NRXN1: variants seen among roughly 807,000 people sequenced by gnomAD.
The protein encoded by NRXN1 is neurexin 1.
Under a neutral mutation model 150.9 loss-of-function variants are expected in NRXN1, and 39 were observed. That is an observed-to-expected ratio of 0.26 (90% CI 0.20 to 0.34). NRXN1 has a LOEUF of 0.34. NRXN1 is among the 10% of genes least tolerant of loss of function. The pLI is 1.00. For missense variants in NRXN1, 1,815 were observed against 1,949.9 expected, an observed-to-expected ratio of 0.93 and a Z score of 1.30; for synonymous variants, 924 against 757.0, an observed-to-expected ratio of 1.22 and a Z score of -3.62.
chr2:50,754,864 T>G (rs965257758), intron 5 of NRXN1, among the ~76,000 whole-genome samples: 1 of 151,924 alleles, frequency 6.6e-6, no homozygotes, highest in African/African-American at 2.4e-5. Flanking sequence ...AACTAGAATT[T>G]ATTTTCTACT....
intron 12 of NRXN1, among the ~76,000 whole-genome samples, chr2:50,516,347 A>C (rs1051471117): frequency 3.3e-5 from 5 of 152,186 alleles, no homozygotes; most frequent in African/African-American, 1.2e-4. Context: ...ATGCTGTTGA[A>C]GCCAGTTCTT....
intron 18 of NRXN1, among the ~76,000 whole-genome samples, chr2:50,230,065 C>T (rs2064794257): frequency 6.6e-6 from 1 of 152,022 alleles, no homozygotes; most frequent in African/African-American, 2.4e-5. Flanking sequence ...ATGATTTTCT[C>T]CAGCTAGGTA....
At chr2:49,998,492 C>A (rs1291293420) in intron 21 of NRXN1, among the ~76,000 whole-genome samples, 1 of 151,848 alleles carries the variant, frequency 6.6e-6, no homozygotes, top group Admixed American at 6.6e-5. Context: ...TTTTTCAAAA[C>A]TTTTTTTGGA....
At position 50,357,310 on chromosome 2, in the gene NRXN1, T is replaced by TTATTTATTTA. The variant is rs1558590772; in HGVS notation, c.3364+108131_3364+108132insTAAATAAATA. Among the ~76,000 whole-genome samples, 189 of 101,290 alleles carry TTATTTATTTA rather than the reference T, an allele frequency of 1.9e-3. 1 individual carries two copies. The highest frequency in any genetic ancestry group is 6.0e-3 in the African/African-American group (171 of 28,506). 66.5% of individuals were successfully genotyped at this position (101,290 alleles called of 152,430 possible). ...CATTTATTTATTTATTTATTTTTTT[T>TTATTTATTTA]TTTATTTATTATTTTGAGACAAAGT... is the stretch of plus-strand genomic sequence containing the variant. On this transcript the variant is annotated intron_variant, in intron 17 of 22. Transcript: ENST00000401669.
At chr2:50,320,174 T>A (rs984702328) in intron 17 of NRXN1, among the ~76,000 whole-genome samples, 2 of 151,316 alleles carry the variant, frequency 1.3e-5, no homozygotes, top group Non-Finnish European at 2.9e-5. Context: ...TGCCTAACAA[T>A]TCTAATGAGA....
At chr2:49,925,281 C>CA (rs772838099) in intron 22 of NRXN1, among the ~76,000 whole-genome samples, 17,763 of 80,802 alleles carry the variant, frequency 0.22, 1,339 homozygotes, top group African/African-American at 0.27. Context: ...CTGCCTCAAC[C>CA]AAAAAAAAAA....
intron 15 of NRXN1, 26 bp downstream of exon 15, chr2:50,495,879 G>C: frequency 6.5e-7 from 1 of 1,550,070 alleles, no homozygotes; most frequent in Non-Finnish European, 8.7e-7. Flanking sequence ...TGCAAGGCTC[G>C]TTGCTCTGAC....
chr2:50,664,221 A>G (rs1352427264), intron 5 of NRXN1, among the ~76,000 whole-genome samples: 1 of 151,992 alleles, frequency 6.6e-6, no homozygotes, highest in Non-Finnish European at 1.5e-5. Flanking sequence ...AGAATGCGTA[A>G]CTTTCCTTCT....
At chr2:50,594,048 A>T (rs79546386) in intron 8 of NRXN1, among the ~76,000 whole-genome samples, 6 of 152,320 alleles carry the variant, frequency 3.9e-5, no homozygotes, top group African/African-American at 1.4e-4. Context: ...CTGCCATGCA[A>T]ATGAAGAAAG....
intron 17 of NRXN1, among the ~76,000 whole-genome samples, chr2:50,298,529 T>A (rs1036929192): frequency 6.0e-3 from 52 of 8,602 alleles, no homozygotes; most frequent in African/African-American, 0.028. Context: ...ATTTACAGAT[T>A]TTTTTTTTTT....
At chr2:50,880,946 T>C (rs886497356) in intron 5 of NRXN1, among the ~76,000 whole-genome samples, 3 of 151,800 alleles carry the variant, frequency 2.0e-5, no homozygotes, top group Non-Finnish European at 4.4e-5. Context: ...AAGACATGAG[T>C]AGAGTCAAGG....
chr2:50,435,010 C>T (rs1053169660), intron 17 of NRXN1, among the ~76,000 whole-genome samples: 1 of 151,968 alleles, frequency 6.6e-6, no homozygotes, highest in African/African-American at 2.4e-5. Flanking sequence ...AATATAAGCA[C>T]CTATTTTTTT....
At chr2:50,835,042 G>A (rs1671919999) in intron 5 of NRXN1, among the ~76,000 whole-genome samples, 1 of 152,100 alleles carries the variant, frequency 6.6e-6, no homozygotes, top group African/African-American at 2.4e-5. Flanking sequence ...CCTTAGACCT[G>A]TATTTTCTGA....
At chr2:50,728,977 G>C (rs896237270) in intron 5 of NRXN1, among the ~76,000 whole-genome samples, 11 of 152,014 alleles carry the variant, frequency 7.2e-5, no homozygotes, top group African/African-American at 2.7e-4. Flanking sequence ...ATTTTTAGAA[G>C]GGTCTAATAT....
At chr2:50,920,084 T>G (rs1685779269) in intron 5 of NRXN1, 1 of 273,964 alleles carries the variant, frequency 3.7e-6, no homozygotes, top group African/African-American at 2.3e-5. Context: ...GGTACCAATG[T>G]GATTTGCAAA....
chr2:50,372,570 A>G (rs1012824346), intron 17 of NRXN1, among the ~76,000 whole-genome samples: 1 of 152,124 alleles, frequency 6.6e-6, no homozygotes, highest in African/African-American at 2.4e-5. Context: ...ACAAAGAACA[A>G]AAAACCTCAG....
At chr2:51,007,263 A>G (rs1667164344) in intron 2 of NRXN1, among the ~76,000 whole-genome samples, 1 of 151,966 alleles carries the variant, frequency 6.6e-6, no homozygotes, top group South Asian at 2.1e-4. Context: ...TCTGAAATAC[A>G]GAAAGGGTAT....
intron 12 of NRXN1, among the ~76,000 whole-genome samples, chr2:50,520,915 GA>G (rs2092770719): frequency 6.6e-6 from 1 of 151,922 alleles, no homozygotes; most frequent in Admixed American, 6.6e-5. Flanking sequence ...TATAATTCAT[GA>G]AAAATCTGTA....
chr2:50,990,460 A>G (rs182134205), intron 2 of NRXN1, among the ~76,000 whole-genome samples: 54 of 152,162 alleles, frequency 3.5e-4, no homozygotes, highest in Non-Finnish European at 6.6e-4. Context: ...ATGCATAGTT[A>G]ACAGTTCAAG....
Sources: gnomAD v4.1 joint callset for allele counts (sites outside exome capture counted in the v4.1 genomes callset) on GRCh38, gnomAD v4.1.1 for gene constraint, MANE v1.5 for transcripts, NCBI Gene and HGNC (gene_info 2026-07-23, HGNC 2026-07-21) for gene names.